FGD6: variants seen among roughly 807,000 people sequenced by gnomAD.
FGD6 encodes FYVE, RhoGEF and PH domain containing 6.
In FGD6, 90 loss-of-function variants were observed where a neutral mutation model predicts 149.4. The ratio of observed to expected loss-of-function variants is 0.60; its 90% confidence interval spans 0.51 to 0.72. The LOEUF is 0.72. Ranked by LOEUF, FGD6 falls within the 30% of genes least tolerant of loss-of-function variation. The pLI, the probability that FGD6 is intolerant of heterozygous loss-of-function variation, is 0.00. For synonymous variants in FGD6, 527 were observed against 584.0 expected, an observed-to-expected ratio of 0.90 and a Z score of 1.41; for missense variants, 1,437 against 1,684.8, an observed-to-expected ratio of 0.85 and a Z score of 2.57.
chr12:95,079,382 C>T lies in FGD6; in HGVS notation c.*2138G>A, dbSNP rs7970670. 117,383 of 152,140 alleles carry T rather than the reference C, an allele frequency of 0.77. 45,553 individuals carry two copies. The highest frequency in any genetic ancestry group is 0.81 in the African/African-American group (33,452 of 41,504). The allele number at this position is 152,140 out of a possible 1,614,324, so 9.4% of individuals were successfully genotyped here. A position where few individuals can be genotyped will look rare whatever the true frequency, so the allele number is the denominator to read the frequency against. On this transcript the variant is annotated 3_prime_UTR_variant, in exon 21 of 21. Transcript: ENST00000343958. ...TCACTCTCTTTAGATTTAGAACTGGCTCATGATTCAGCCAGGTCTTAGAAG... is the reference window on the plus strand; with the variant it reads ...TCACTCTCTTTAGATTTAGAACTGGTTCATGATTCAGCCAGGTCTTAGAAG...
intron 3 of FGD6, among the ~76,000 whole-genome samples, chr12:95,156,906 T>C (rs1229197543): frequency 2.1e-4 from 32 of 152,156 alleles, no homozygotes; most frequent in Admixed American, 2.1e-3. Flanking sequence ...CCAATAACTA[T>C]TAGCACAGTT....
rs545010957 is a variant in FGD6, at chr12:95,210,744, T to G, written c.540A>C (p.Glu180Asp). Residue 180 changes from glutamate to aspartate, a missense_variant, in exon 2 of 21, where the codon GAA (glutamate) becomes GAC (aspartate). Around this residue, in one of 2 missense-constraint regions of FGD6, gnomAD observed 1,055 missense variants for 1,146.0 expected, o/e 0.92. Transcript: ENST00000343958. ...GTATTAAGGCATCTTTGAGCTCCTC[T>G]TCTAAAACGCTTGCCTTTAAAACAA... ...GGVVLKASVL[E>D]EELKDALIHQ... is the part of the protein sequence containing the mutation. The G allele has an allele frequency of 8.7e-6, 14 of 1,614,120 alleles. No homozygotes were observed. The highest frequency in any genetic ancestry group is 6.6e-5 in the South Asian group (6 of 91,048).
intron 2 of FGD6, among the ~76,000 whole-genome samples, chr12:95,205,923 T>C (rs1226491056): frequency 1.3e-5 from 2 of 152,196 alleles, no homozygotes; most frequent in Non-Finnish European, 2.9e-5. Context: ...TTTACCAGGC[T>C]GCCCTACTTG....
chr12:95,213,143 T>C (rs1471420039), intron 1 of FGD6, among the ~76,000 whole-genome samples: 1 of 152,188 alleles, frequency 6.6e-6, no homozygotes, highest in Non-Finnish European at 1.5e-5. Flanking sequence ...ATTTAGTAAG[T>C]CAAGTCTTAA....
intron 2 of FGD6, among the ~76,000 whole-genome samples, chr12:95,183,754 C>T (rs1237498700): frequency 6.6e-6 from 1 of 152,180 alleles, no homozygotes; most frequent in Non-Finnish European, 1.5e-5. Flanking sequence ...GGGAGGATGG[C>T]TTGAACCCAC....
chr12:95,076,838 A>C lies in FGD6; in HGVS notation c.*4682T>G, dbSNP rs1173154911. On this transcript the variant is annotated 3_prime_UTR_variant, in exon 21 of 21. Transcript: ENST00000343958. The stretch of plus-strand genomic sequence containing the variant: ...ATTTATAAAGTATATATGGACAAAA[A>C]GATACAAACTGTTATCATTTTAAGT... The C allele has an allele frequency of 2.0e-5, 3 of 152,220 alleles. No homozygotes were observed. In the East Asian group the frequency reaches 5.8e-4, roughly 29 times the overall value. The allele number at this position is 152,220 out of a possible 1,614,324, so 9.4% of individuals were successfully genotyped here.
In FGD6 at chr12:95,118,177, C is replaced by T. The variant is rs935361900; in HGVS notation, c.3083-4476G>A. On this transcript the variant is annotated intron_variant, in intron 8 of 20. Transcript: ENST00000343958. Reference sequence around the variant, plus strand: ...ACTAGCCTGGCCAATATAGTGAAACCCCATCTCTACTAAAAATATAAAAAT... The same window carrying T: ...ACTAGCCTGGCCAATATAGTGAAACTCCATCTCTACTAAAAATATAAAAAT... 2.0e-5 allele frequency among the ~76,000 whole-genome samples: 3 copies of T among 151,776 alleles called. 1 individual carries two copies. Among genetic ancestry groups the T allele is most frequent in the Non-Finnish European group, 2.9e-5 (2 of 67,956 alleles).
rs761318486 is a variant in FGD6, at chr12:95,209,358, A to T, written c.1926T>A (p.Ser642Arg). The change falls in exon 2 of 21, where the codon AGT becomes AGA. Residue 642 changes from serine to arginine, a missense_variant. Ser to Arg is a moderately radical substitution (Grantham distance 110, BLOSUM62 -1). This residue lies in a region of FGD6 where 1,055 missense variants were observed against 1,146.0 expected (regional missense o/e 0.92). Coordinates refer to ENST00000343958, the MANE Select transcript of FGD6 (RefSeq NM_018351.4). ...TCTTGGACCAAAATTTTTGAAAGTC[A>T]CTCTTCATGAAACAGATGGACAGTT... ...SMKLSICFMK[S>R]DFQKFWSKSS... The T allele has an allele frequency of 6.2e-7, 1 of 1,612,836 alleles. No individual in the cohort carries two copies. The highest frequency in any genetic ancestry group is 8.5e-7 in the Non-Finnish European group (1 of 1,179,392).
intron 20 of FGD6, among the ~76,000 whole-genome samples, chr12:95,083,246 TTC>T (rs1437748422): frequency 2.0e-5 from 3 of 151,568 alleles, no homozygotes; most frequent in African/African-American, 7.3e-5. Context: ...CATTTTAATA[TTC>T]TGTCATGTAC....
intron 2 of FGD6, among the ~76,000 whole-genome samples, chr12:95,197,230 G>A (rs1293669379): frequency 6.6e-6 from 1 of 151,992 alleles, no homozygotes; most frequent in Non-Finnish European, 1.5e-5. Flanking sequence ...CTTGAGGTCA[G>A]GAGTTTGAGA....
chr12:95,147,288 T>C (rs1040722371), intron 5 of FGD6, among the ~76,000 whole-genome samples: 1 of 152,176 alleles, frequency 6.6e-6, no homozygotes, highest in African/African-American at 2.4e-5. Flanking sequence ...ATAAAAATAT[T>C]TTCCCAATGA....
Position 95,155,238 on chromosome 12 carries a change from G to A in FGD6, c.2587-2245C>T, listed in dbSNP as rs150739216. 4.4e-3 allele frequency among the ~76,000 whole-genome samples: 673 copies of A among 152,218 alleles called. 8 individuals carry two copies. The highest frequency in any genetic ancestry group is 0.015 in the African/African-American group (634 of 41,518). ...GTTAAAATTTAGATTTTTAAAAACTGTAATCAGGCCGGGCGCACTGGCTCA... is the reference window on the plus strand; with the variant it reads ...GTTAAAATTTAGATTTTTAAAAACTATAATCAGGCCGGGCGCACTGGCTCA... On this transcript the variant is annotated intron_variant, in intron 3 of 20. Transcript: ENST00000343958.
chr12:95,096,014 CAA>C (rs11383119), intron 14 of FGD6, among the ~76,000 whole-genome samples: 7 of 124,632 alleles, frequency 5.6e-5, no homozygotes, highest in Non-Finnish European at 3.5e-5. Flanking sequence ...ACACTGTCTC[CAA>C]AAAAAAAAAA....
intron 5 of FGD6, among the ~76,000 whole-genome samples, chr12:95,142,112 C>A (rs1052360631): frequency 1.3e-5 from 2 of 149,214 alleles, no homozygotes; most frequent in African/African-American, 4.9e-5. Context: ...GGACTACAGG[C>A]GCGTGCCACC....
At chr12:95,178,724 A>G (rs1340199127) in intron 2 of FGD6, among the ~76,000 whole-genome samples, 1 of 152,176 alleles carries the variant, frequency 6.6e-6, no homozygotes, top group African/African-American at 2.4e-5. Flanking sequence ...GTATATATGT[A>G]GTGTATAAAC....
chr12:95,134,278 C>T (rs1879604554), intron 8 of FGD6, among the ~76,000 whole-genome samples: 1 of 152,104 alleles, frequency 6.6e-6, no homozygotes, highest in South Asian at 2.1e-4. Flanking sequence ...CTATTCTAAG[C>T]ACTGTCCACA....
At chr12:95,193,918 C>T (rs1460900515) in intron 2 of FGD6, among the ~76,000 whole-genome samples, 2 of 151,740 alleles carry the variant, frequency 1.3e-5, no homozygotes, top group Admixed American at 1.3e-4. Context: ...TTATTTTCTA[C>T]TTTATTATTT....
chr12:95,117,831 C>A (rs1879064818), intron 8 of FGD6, among the ~76,000 whole-genome samples: 1 of 151,992 alleles, frequency 6.6e-6, no homozygotes, highest in Admixed American at 6.5e-5. Context: ...ATCATGAGGT[C>A]AAGAGTTCGA....
At chr12:95,207,277 GA>G (rs2056697547) in intron 2 of FGD6, among the ~76,000 whole-genome samples, 1 of 152,160 alleles carries the variant, frequency 6.6e-6, no homozygotes, top group Non-Finnish European at 1.5e-5. Context: ...CTTCCGCCAT[GA>G]TTGTAAGTTT....
Sources: allele counts gnomAD v4.1 joint callset (sites outside exome capture counted in the v4.1 genomes callset), GRCh38; gene constraint gnomAD v4.1.1; regional missense constraint gnomAD v4.1.1; transcripts MANE v1.5; gene names NCBI Gene and HGNC (gene_info 2026-07-23, HGNC 2026-07-21).